SERPINB4: variants seen among roughly 807,000 people sequenced by gnomAD.
SERPINB4 encodes the protein serpin family B member 4.
SERPINB4 carries 39 observed loss-of-function variants against 33.2 expected under a neutral mutation model. The ratio of observed to expected loss-of-function variants is 1.18; its 90% confidence interval spans 0.91 to 1.53. SERPINB4 has a LOEUF of 1.53. Ranked by LOEUF, SERPINB4 falls within the 40% of genes most tolerant of loss-of-function variation. The pLI is 0.00. For missense variants in SERPINB4, 564 were observed against 455.4 expected (o/e 1.24, Z -2.17); for synonymous variants, 191 against 166.4 (o/e 1.15, Z -1.14).
chr18:63,641,998 C>G (rs1241788249), intron 3 of SERPINB4, 110 bp from the exon 4 acceptor site: 8 of 1,475,492 alleles, frequency 5.4e-6, no homozygotes, highest in Non-Finnish European at 6.5e-6. Context: ...CATTGAGGAC[C>G]TTTGATGTTA....
At chr18:63,640,277 A>G (rs1913081960) in intron 5 of SERPINB4, among the ~76,000 whole-genome samples, 2 of 151,424 alleles carry the variant, frequency 1.3e-5, no homozygotes, top group South Asian at 4.2e-4. Context: ...CTTCCTATTC[A>G]CTCTCATGTT....
At position 63,637,846 on chromosome 18, in the gene SERPINB4, A is replaced by G; in HGVS notation, c.1046T>C (p.Val349Ala). ...EGVEAAAATAVVVVELSSPST... is the reference protein window; with the variant it reads ...EGVEAAAATAAVVVELSSPST... ...AGGAGATGATAATTCGACTACTACT[A>G]CAGCGGTGGCAGCTGCAGCTTCCAC... The change falls in exon 8 of 8, where the codon GTA (valine) becomes GCA (alanine). Residue 349 changes from valine to alanine, a missense_variant. Physicochemically the swap from Val to Ala is moderately conservative, Grantham distance 64. Transcript: ENST00000341074. 6.2e-7 allele frequency: 1 copy of G among 1,613,592 alleles called. No individual in the cohort carries two copies.
intron 5 of SERPINB4, 34 bp downstream of exon 5, chr18:63,640,840 T>C (rs374969261): frequency 1.4e-5 from 22 of 1,569,248 alleles, no homozygotes; most frequent in Non-Finnish European, 1.8e-5. Flanking sequence ...CATAGGTTTC[T>C]CAAAGGTGTT....
intron 3 of SERPINB4, chr18:63,642,837 G>T: frequency 3.8e-6 from 1 of 263,688 alleles, no homozygotes; most frequent in Non-Finnish European, 7.2e-6. Flanking sequence ...CTTACCCTTA[G>T]TTTTCTGGGA....
intron 4 of SERPINB4, among the ~76,000 whole-genome samples, chr18:63,641,516 C>G (rs1913129532): frequency 1.3e-5 from 2 of 152,078 alleles, no homozygotes; most frequent in Non-Finnish European, 2.9e-5. Flanking sequence ...TACTCTTACT[C>G]ACTCTATTAC....
intron 3 of SERPINB4, among the ~76,000 whole-genome samples, chr18:63,642,155 T>C (rs1913156488): frequency 6.6e-6 from 1 of 152,144 alleles, no homozygotes; most frequent in South Asian, 2.1e-4. Flanking sequence ...CAGTAGATTT[T>C]CTCCTTGTTG....
At position 63,639,711 on chromosome 18, in the gene SERPINB4, C is replaced by T. The variant is rs1395622867; in HGVS notation, c.535G>A (p.Ala179Thr). ...GNDTTLVLVN[A>T]IYFKGQWENK... The stretch of plus-strand genomic sequence containing the variant: ...TCCCACTGCCCTTTGAAATAGATTG[C>T]GTTCACAAGAACCAGTGTCGTATCA... Residue 179 changes from alanine to threonine, a missense_variant, in exon 6 of 8, where the codon GCA (alanine) becomes ACA (threonine). Transcript: ENST00000341074. 5.0e-6 allele frequency: 8 copies of T among 1,611,366 alleles called. No homozygotes were observed. The highest frequency in any genetic ancestry group is 3.3e-4 in the Middle Eastern group (2 of 6,048).
rs867409560 is a variant in SERPINB4 at position 63,639,787 on chromosome 18, A to G, written c.470-11T>C. On this transcript the variant is annotated splice_polypyrimidine_tract_variant and intron_variant, in intron 5 of 7. Coordinates refer to ENST00000341074, the MANE Select transcript of SERPINB4 (RefSeq NM_002974.4). ...GGTTTTTAATTTTTTCTGCAAGGGA[A>G]AGAATAAAAGAGTCTTTTACACAAG... The G allele has an allele frequency of 6.2e-7, 1 of 1,604,166 alleles. No individual in the cohort carries two copies. Among genetic ancestry groups the G allele is most frequent in the African/African-American group, 1.3e-5 (1 of 74,418 alleles).
At chr18:63,640,614 C>A (rs1466641987) in intron 5 of SERPINB4, among the ~76,000 whole-genome samples, 6 of 152,070 alleles carry the variant, frequency 3.9e-5, no homozygotes, top group African/African-American at 1.4e-4. Flanking sequence ...AGGGGATCCA[C>A]AAAGCTATTG....
intron 4 of SERPINB4, among the ~76,000 whole-genome samples, chr18:63,641,485 C>T (rs1370232504): frequency 2.0e-5 from 3 of 152,176 alleles, no homozygotes; most frequent in Middle Eastern, 3.4e-3. Flanking sequence ...GCCAGTTTAT[C>T]GATGGTATCT....
intron 4 of SERPINB4, 139 bp from the exon 5 acceptor site, chr18:63,641,130 A>C (rs1913116199): frequency 2.9e-6 from 2 of 692,410 alleles, no homozygotes; most frequent in African/African-American, 1.8e-5. Context: ...GGATATTTTT[A>C]TACAGGTGTC....
chr18:63,640,980 A>C lies in SERPINB4; in HGVS notation c.363T>G (p.Asp121Glu). 6.2e-7 allele frequency: 1 copy of C among 1,612,036 alleles called. No homozygotes were observed. The highest frequency in any genetic ancestry group is 8.5e-7 in the Non-Finnish European group (1 of 1,178,502). ...KTYQFLQEYL[D>E]AIKKFYQTSV... The stretch of plus-strand genomic sequence containing the variant: ...TGGTCTGGTAAAATTTCTTGATGGC[A>C]TCTAAATATTCCTTTGAGATATGAA... The change falls in exon 5 of 8, where the codon GAT becomes GAG. Residue 121 changes from aspartate (D) to glutamate (E), a missense_variant. Transcript: ENST00000341074.
intron 4 of SERPINB4, 40 bp downstream of exon 4, chr18:63,641,720 C>G (rs1390717928): frequency 1.2e-6 from 2 of 1,612,636 alleles, no homozygotes; most frequent in Admixed American, 3.3e-5. Flanking sequence ...ACACAGACAT[C>G]AGGATGCAAA....
At chr18:63,643,655 T>C in intron 1 of SERPINB4, 52 bp from the exon 2 acceptor site, 1 of 1,529,228 alleles carries the variant, frequency 6.5e-7, no homozygotes, top group Non-Finnish European at 8.9e-7. Context: ...TGGAATGGTA[T>C]TTTGTAGTAC....
chr18:63,637,914 A>G lies in SERPINB4; in HGVS notation c.978T>C (p.Ser326=). 6.2e-7 allele frequency: 1 copy of G among 1,613,638 alleles called. No individual in the cohort carries two copies. Among genetic ancestry groups the G allele is most frequent in the Non-Finnish European group, 8.5e-7 (1 of 1,179,750 alleles). Residue 326 remains serine (S), a synonymous_variant, in exon 8 of 8, where the codon TCT becomes TCC. Transcript: ENST00000341074. ...GMTWSHGLSV[S]KVLHKAFVEV... ...CCACAAAGGCCTTGTGTAGGACTTTAGATACTGAGAGACCGTGGCTCCAGG... is the reference window on the plus strand; with the variant it reads ...CCACAAAGGCCTTGTGTAGGACTTTGGATACTGAGAGACCGTGGCTCCAGG...
chr18:63,638,786 T>C (rs1200020554), intron 7 of SERPINB4, among the ~76,000 whole-genome samples: 1 of 122,694 alleles, frequency 8.2e-6, no homozygotes, highest in South Asian at 2.6e-4. Context: ...CACAGGAAGG[T>C]AACATCACAC....
intron 5 of SERPINB4, 111 bp from the exon 6 acceptor site, chr18:63,639,887 T>C: frequency 9.9e-7 from 1 of 1,006,674 alleles, no homozygotes; most frequent in Non-Finnish European, 1.5e-6. Flanking sequence ...AAATCCCTGC[T>C]TGAGACTCAC....
chr18:63,640,258 C>T (rs1228629693), intron 5 of SERPINB4, among the ~76,000 whole-genome samples: 2 of 151,904 alleles, frequency 1.3e-5, no homozygotes, highest in African/African-American at 4.8e-5. Flanking sequence ...ACACTACTTC[C>T]GGGGGTATCT....
At chr18:63,641,122 A>C in intron 4 of SERPINB4, 131 bp from the exon 5 acceptor site, 2 of 716,142 alleles carry the variant, frequency 2.8e-6, no homozygotes, top group Admixed American at 5.1e-5. Context: ...CTGTCCATGG[A>C]TATTTTTATA....
Sources: gnomAD v4.1 joint callset for allele counts (sites outside exome capture counted in the v4.1 genomes callset) on GRCh38, gnomAD v4.1.1 for gene constraint, MANE v1.5 for transcripts, NCBI Gene and HGNC (gene_info 2026-07-23, HGNC 2026-07-21) for gene names.